IGFL2: variants seen among roughly 807,000 people sequenced by gnomAD.
IGFL2 encodes the protein IGF like family member 2.
Under a neutral mutation model 13.9 loss-of-function variants are expected in IGFL2, and 7 were observed. The ratio of observed to expected loss-of-function variants is 0.51; its 90% CI spans 0.29 to 0.95. IGFL2 has a LOEUF of 0.95. Among genes scored for constraint, IGFL2 ranks in the 40% least tolerant of loss-of-function variants. The pLI, the probability that IGFL2 is intolerant of heterozygous loss-of-function variation, is 0.08. For synonymous variants in IGFL2, 55 were observed against 55.8 expected, an observed-to-expected ratio of 0.99 and a Z score of 0.07; for missense variants, 138 against 147.8, an observed-to-expected ratio of 0.93 and a Z score of 0.34.
chr19:46,177,171 A>G, the IGFL2 span, among the ~76,000 whole-genome samples: 56 of 152,122 alleles, frequency 3.7e-4, 1 homozygote, highest in African/African-American at 1.2e-3. Flanking sequence ...CTGGGGTGGC[A>G]GGATTGCTTG....
the IGFL2 span, among the ~76,000 whole-genome samples, chr19:46,118,957 C>A: frequency 2.6e-5 from 4 of 152,100 alleles, no homozygotes. Context: ...TTAGGAGGGA[C>A]AGGGAGTCCA....
At chr19:46,181,248 A>G in the IGFL2 span, 1 of 152,174 alleles carries the variant, frequency 6.6e-6, no homozygotes, top group Admixed American at 6.5e-5. Flanking sequence ...AGAGACCAAG[A>G]TAACTATGAG....
chr19:46,126,271 T>C, the IGFL2 span, among the ~76,000 whole-genome samples: 1 of 152,230 alleles, frequency 6.6e-6, no homozygotes, highest in African/African-American at 2.4e-5. Flanking sequence ...CTGTGAATCA[T>C]CTTTCAACCC....
chr19:46,191,629 TTCTC>T, the IGFL2 span, among the ~76,000 whole-genome samples: 9 of 152,068 alleles, frequency 5.9e-5, no homozygotes, highest in Admixed American at 1.3e-4. Flanking sequence ...GAGGGCCCTT[TTCTC>T]TCTCCTTTTT....
the IGFL2 span, among the ~76,000 whole-genome samples, chr19:46,185,237 AC>A: frequency 4.7e-5 from 7 of 148,322 alleles, no homozygotes; most frequent in African/African-American, 1.5e-4. Context: ...CCTTTTTTCT[AC>A]CCCCCTCCCT....
chr19:46,153,502 G>C (rs555995784), intron 1 of IGFL2, among the ~76,000 whole-genome samples: 14 of 152,162 alleles, frequency 9.2e-5, no homozygotes, highest in African/African-American at 3.4e-4. Flanking sequence ...TAGGTATTCA[G>C]ATCTTTTGCC....
chr19:46,185,294 T>G, the IGFL2 span, among the ~76,000 whole-genome samples: 2 of 152,224 alleles, frequency 1.3e-5, no homozygotes, highest in Non-Finnish European at 2.9e-5. Flanking sequence ...TCTCTCTGCC[T>G]GCCAGCTCAG....
At chr19:46,087,582 G>T in the IGFL2 span, among the ~76,000 whole-genome samples, 1 of 152,232 alleles carries the variant, frequency 6.6e-6, no homozygotes, top group South Asian at 2.1e-4. Context: ...GAGCTGCACT[G>T]CGGCCATGCT....
the IGFL2 span, among the ~76,000 whole-genome samples, chr19:46,096,036 T>C: frequency 6.6e-6 from 1 of 152,136 alleles, no homozygotes; most frequent in Admixed American, 6.5e-5. Flanking sequence ...TTTAAAGCAG[T>C]TTTTTTCTAA....
the IGFL2 span, among the ~76,000 whole-genome samples, chr19:46,167,424 C>T: frequency 6.6e-6 from 1 of 152,142 alleles, no homozygotes; most frequent in African/African-American, 2.4e-5. Context: ...AGGACCTTTG[C>T]CCGTATCTGA....
chr19:46,115,814 AC>A, the IGFL2 span, among the ~76,000 whole-genome samples: 1 of 152,178 alleles, frequency 6.6e-6, no homozygotes, highest in Non-Finnish European at 1.5e-5. Context: ...AGAGCCACTT[AC>A]CAGCAAAAAG....
chr19:46,161,269 T>G lies in IGFL2; in HGVS notation c.*181T>G. The G allele has an allele frequency of 1.7e-6, 1 of 575,512 alleles. No individual in the cohort carries two copies. Among genetic ancestry groups the G allele is most frequent in the East Asian group, 2.8e-5 (1 of 35,148 alleles). 35.7% of individuals were successfully genotyped at this position (575,512 alleles called of 1,614,324 possible). A position where few individuals can be genotyped will look rare whatever the true frequency, so the allele number is the denominator to read the frequency against. ...TGACAGTAGATTATCAGGAAATAAA[T>G]AAAGTGGTTTTTCCAATGTACACAC... On this transcript the variant is annotated 3_prime_UTR_variant, in exon 4 of 4. Transcript: ENST00000377693.
chr19:46,144,661 C>G (rs111477792), upstream of IGFL2, among the ~76,000 whole-genome samples: 247 of 152,072 alleles, frequency 1.6e-3, no homozygotes, highest in Non-Finnish European at 2.5e-3. Flanking sequence ...GTTTCCACAC[C>G]CTGATTTTAT....
chr19:46,152,020 T>TTATTTACA (rs1409667285), intron 1 of IGFL2, among the ~76,000 whole-genome samples: 1 of 152,236 alleles, frequency 6.6e-6, no homozygotes, highest in East Asian at 1.9e-4. Flanking sequence ...GTATTTCCAT[T>TTATTTACA]TATTTACATA....
chr19:46,176,559 G>T, the IGFL2 span, among the ~76,000 whole-genome samples: 4 of 152,128 alleles, frequency 2.6e-5, no homozygotes, highest in African/African-American at 9.7e-5. Flanking sequence ...GATTGCACAG[G>T]GCCATTGCTG....
At chr19:46,183,281 T>A in the IGFL2 span, among the ~76,000 whole-genome samples, 1 of 152,076 alleles carries the variant, frequency 6.6e-6, no homozygotes, top group Non-Finnish European at 1.5e-5. Flanking sequence ...TCCCACCAGG[T>A]CCTTCTCCTG....
the IGFL2 span, among the ~76,000 whole-genome samples, chr19:46,089,018 G>A: frequency 6.6e-6 from 1 of 152,104 alleles, no homozygotes; most frequent in Non-Finnish European, 1.5e-5. Context: ...ACTTTCTACT[G>A]CTATTTTGTT....
At chr19:46,108,285 A>G in the IGFL2 span, among the ~76,000 whole-genome samples, 2 of 151,950 alleles carry the variant, frequency 1.3e-5, no homozygotes, top group Non-Finnish European at 2.9e-5. Context: ...CTAGGGAGGA[A>G]CCGAGGTGTA....
the IGFL2 span, among the ~76,000 whole-genome samples, chr19:46,170,261 G>A: frequency 1.3e-5 from 2 of 152,126 alleles, no homozygotes; most frequent in East Asian, 1.9e-4. Flanking sequence ...CAGGGAACCC[G>A]AATGGAGGGA....
Sources: allele counts gnomAD v4.1 joint callset (sites outside exome capture counted in the v4.1 genomes callset), GRCh38; gene constraint gnomAD v4.1.1; transcripts MANE v1.5; gene names NCBI Gene and HGNC (gene_info 2026-07-23, HGNC 2026-07-21).